HTRA1: variants seen among roughly 807,000 people sequenced by gnomAD.
The protein encoded by HTRA1 is serine protease HTRA1.
Under a neutral mutation model 49.7 loss-of-function variants are expected in HTRA1, and 26 were observed. The ratio of observed to expected loss-of-function variants is 0.52; its 90% confidence interval spans 0.38 to 0.73. The LOEUF is 0.73. HTRA1 is among the 30% of genes least tolerant of loss of function. The pLI is 0.00. For synonymous variants in HTRA1, 291 were observed against 286.9 expected (o/e 1.01, Z -0.14); for missense variants, 561 against 667.2 (o/e 0.84, Z 1.75).
chr10:122,489,994 C>T (rs891907730), intron 3 of HTRA1, among the ~76,000 whole-genome samples: 6 of 152,152 alleles, frequency 3.9e-5, no homozygotes, highest in Admixed American at 2.0e-4. Flanking sequence ...ATACATCATG[C>T]GTTCACAATG....
chr10:122,508,814 C>T (rs1310684760), intron 6 of HTRA1, 44 bp downstream of exon 6: 1 of 1,181,744 alleles, frequency 8.5e-7, no homozygotes. Context: ...GAGATGGGGC[C>T]TGAAGCTCAG....
intron 1 of HTRA1, among the ~76,000 whole-genome samples, chr10:122,473,782 A>G (rs2097487230): frequency 6.6e-6 from 1 of 152,114 alleles, no homozygotes; most frequent in Non-Finnish European, 1.5e-5. Flanking sequence ...TTCATTTTCT[A>G]TTTCTATGAA....
intron 3 of HTRA1, among the ~76,000 whole-genome samples, chr10:122,492,253 TATC>T (rs747470134): frequency 3.9e-5 from 6 of 152,160 alleles, no homozygotes; most frequent in Non-Finnish European, 8.8e-5. Flanking sequence ...CTCGGTGGCT[TATC>T]ATCTGGGCCC....
In HTRA1 at chr10:122,487,049, T is replaced by C. The variant is rs1018967330; in HGVS notation, c.473-1853T>C. Among the ~76,000 whole-genome samples, 1 of 152,136 alleles carries C rather than the reference T, an allele frequency of 6.6e-6. No homozygotes were observed. Among genetic ancestry groups the C allele is most frequent in the Non-Finnish European group, 1.5e-5 (1 of 68,018 alleles). The stretch of plus-strand genomic sequence containing the variant: ...GTTGGTAAATGAGACACAAAATACC[T>C]ACAAAATACAAAATGTGAGACAGGA... On this transcript the variant is annotated intron_variant, in intron 1 of 8. Coordinates refer to ENST00000368984, the MANE Select transcript of HTRA1 (RefSeq NM_002775.5). This position sits in a 1 kb window ranked among gnomAD's most constrained non-coding sequence, Gnocchi z 4.8.
intron 1 of HTRA1, among the ~76,000 whole-genome samples, chr10:122,480,641 G>A (rs532419054): frequency 6.4e-4 from 98 of 152,284 alleles, no homozygotes; most frequent in Non-Finnish European, 8.8e-4. Flanking sequence ...CTGGCGTGGC[G>A]TGAGTGCCCC....
chr10:122,484,868 C>A (rs895912029), intron 1 of HTRA1, among the ~76,000 whole-genome samples: 2 of 152,216 alleles, frequency 1.3e-5, no homozygotes, highest in African/African-American at 2.4e-5. Context: ...TGGACGCCCC[C>A]ACCCTCTGTC....
At chr10:122,479,125 T>C (rs2097489874) in intron 1 of HTRA1, among the ~76,000 whole-genome samples, 1 of 152,224 alleles carries the variant, frequency 6.6e-6, no homozygotes, top group Non-Finnish European at 1.5e-5. Flanking sequence ...TTTTCCAAAT[T>C]AGCTCTACGT....
At position 122,514,341 on chromosome 10, in the gene HTRA1, C is replaced by G. The variant is rs779158785; in HGVS notation, c.1425C>G (p.Pro475=). Reference sequence around the variant, plus strand: ...AAGATATCATGATCACAGTGATTCCCGAAGAAATTGACCCATAGGCAGAGG... The same window carrying G: ...AAGATATCATGATCACAGTGATTCCGGAAGAAATTGACCCATAGGCAGAGG... ...GNEDIMITVI[P]EEIDP The change falls in exon 9 of 9, where the codon CCC becomes CCG. Residue 475 remains proline, a synonymous_variant. Coordinates refer to ENST00000368984, the MANE Select transcript of HTRA1 (RefSeq NM_002775.5). 11 of 1,614,072 alleles carry G rather than the reference C, an allele frequency of 6.8e-6. No individual in the cohort carries two copies. Among genetic ancestry groups the G allele is most frequent in the Non-Finnish European group, 9.3e-6 (11 of 1,179,992 alleles).
intron 7 of HTRA1, among the ~76,000 whole-genome samples, chr10:122,510,801 G>A (rs1591041904): frequency 6.6e-6 from 1 of 152,172 alleles, no homozygotes; most frequent in South Asian, 2.1e-4. Flanking sequence ...CTAGAATATA[G>A]TAACAGATAG....
At chr10:122,496,768 C>A (rs2097498923) in intron 3 of HTRA1, among the ~76,000 whole-genome samples, 1 of 152,094 alleles carries the variant, frequency 6.6e-6, no homozygotes, top group Non-Finnish European at 1.5e-5. Context: ...TGCTTAATTT[C>A]CCACTTCTGC....
intron 6 of HTRA1, 52 bp downstream of exon 6, chr10:122,508,822 C>A (rs751018618): frequency 1.8e-6 from 2 of 1,095,276 alleles, no homozygotes; most frequent in Non-Finnish European, 2.8e-6. Flanking sequence ...GCCTGAAGCT[C>A]AGCTGCCCTT....
Position 122,507,399 on chromosome 10 carries a change from C to T in HTRA1, c.1002C>T (p.Asn334=). The T allele has an allele frequency of 6.2e-7, 1 of 1,606,790 alleles. No individual in the cohort carries two copies. Among genetic ancestry groups the T allele is most frequent in the Admixed American group, 1.7e-5 (1 of 59,996 alleles). Residue 334 remains asparagine, a synonymous_variant, in exon 5 of 9, where the codon AAC becomes AAT. Coordinates refer to ENST00000368984, the MANE Select transcript of HTRA1 (RefSeq NM_002775.5). ...NYGNSGGPLV[N]LDGEVIGINT... is the part of the protein sequence containing the mutation. ...GAAACTCGGGAGGCCCGTTAGTAAACCTGGTAAGGTCTTTTAAACCTATGT... is the reference window on the plus strand; with the variant it reads ...GAAACTCGGGAGGCCCGTTAGTAAATCTGGTAAGGTCTTTTAAACCTATGT...
intron 3 of HTRA1, among the ~76,000 whole-genome samples, chr10:122,505,467 C>T (rs935311932): frequency 1.3e-5 from 2 of 152,132 alleles, no homozygotes; most frequent in African/African-American, 4.8e-5. Context: ...TTTTTCCGAT[C>T]CCAGTCCCAG....
chr10:122,505,096 A>G (rs1364056486), intron 3 of HTRA1, among the ~76,000 whole-genome samples: 1 of 152,206 alleles, frequency 6.6e-6, no homozygotes, highest in Non-Finnish European at 1.5e-5. Flanking sequence ...AGCTGTTCAG[A>G]TCTTAAGTTG....
chr10:122,465,081 A>T (rs34650150), intron 1 of HTRA1, among the ~76,000 whole-genome samples: 25,257 of 152,138 alleles, frequency 0.17, 2,444 homozygotes, highest in Admixed American at 0.26. Flanking sequence ...AGATCTTTGG[A>T]TAGAGGAACA....
chr10:122,494,611 G>A lies in HTRA1; in HGVS notation c.777+4985G>A, dbSNP rs1248589393. Among the ~76,000 whole-genome samples, 8 of 152,166 alleles carry A rather than the reference G, an allele frequency of 5.3e-5. No homozygotes were observed. The highest frequency in any genetic ancestry group is 8.8e-5 in the Non-Finnish European group (6 of 68,034). The stretch of plus-strand genomic sequence containing the variant: ...TGGAAACGGCCTTGTTGAGGCTTGT[G>A]AGGTGGTTTTCCTCCCTCCCCTGTA... On this transcript the variant is annotated intron_variant, in intron 3 of 8. Transcript: ENST00000368984. This position sits in a 1 kb window ranked among gnomAD's most constrained non-coding sequence, Gnocchi z 4.0.
At position 122,514,078 on chromosome 10, in the gene HTRA1, A is replaced by G. The variant is rs953457439; in HGVS notation, c.1275-113A>G. ...ATTATTCTAAGTTCGCCACCGTCCA[A>G]TCCTGTTTGCTCTGGGCTTTTAGGT... On this transcript the variant is annotated intron_variant, in intron 8 of 8. Coordinates refer to ENST00000368984, the MANE Select transcript of HTRA1 (RefSeq NM_002775.5). 1.2e-4 allele frequency: 128 copies of G among 1,072,290 alleles called. No homozygotes were observed. In the East Asian group the frequency reaches 1.6e-3, roughly 13 times the overall value. 66.4% of individuals were successfully genotyped at this position (1,072,290 alleles called of 1,614,324 possible).
intron 3 of HTRA1, among the ~76,000 whole-genome samples, chr10:122,496,667 T>C (rs1357873013): frequency 6.6e-6 from 1 of 152,102 alleles, no homozygotes. Context: ...CAGGGAATCT[T>C]ATCTGAGGGG....
intron 1 of HTRA1, among the ~76,000 whole-genome samples, chr10:122,479,279 G>A (rs961635374): frequency 6.6e-6 from 1 of 152,188 alleles, no homozygotes; most frequent in Non-Finnish European, 1.5e-5. Flanking sequence ...CTGGAGGCTG[G>A]CTGAGAAGGT....
Sources: gnomAD v4.1 joint callset for allele counts (sites outside exome capture counted in the v4.1 genomes callset) on GRCh38, gnomAD v4.1.1 for gene constraint, Gnocchi (gnomAD v3.1) non-coding constraint, MANE v1.5 for transcripts, NCBI Gene and HGNC (gene_info 2026-07-23, HGNC 2026-07-21) for gene names.